SPIDR: variants seen among roughly 807,000 people sequenced by gnomAD.
SPIDR encodes the protein scaffold protein involved in DNA repair.
Under a neutral mutation model 104.6 loss-of-function variants are expected in SPIDR, and 93 were observed. The ratio of observed to expected loss-of-function variants is 0.89; its 90% confidence interval spans 0.75 to 1.06. SPIDR has a LOEUF of 1.06. SPIDR is among the 50% of genes least tolerant of loss of function. The probability of loss-of-function intolerance (pLI) is 0.00; values close to 1 mark genes in which losing one functional copy is unlikely to be tolerated. For missense variants in SPIDR, 1,154 were observed against 1,111.2 expected, an observed-to-expected ratio of 1.04 and a Z score of -0.55; for synonymous variants, 431 against 416.9, an observed-to-expected ratio of 1.03 and a Z score of -0.41.
chr8:47,465,219 G>A (rs536094074), intron 8 of SPIDR, among the ~76,000 whole-genome samples: 1 of 152,296 alleles, frequency 6.6e-6, no homozygotes, highest in East Asian at 1.9e-4. Flanking sequence ...TCTGAGGCAA[G>A]CACTAAGTAT....
At chr8:47,507,839 T>TA (rs2154374539) in intron 8 of SPIDR, among the ~76,000 whole-genome samples, 1 of 152,334 alleles carries the variant, frequency 6.6e-6, no homozygotes, top group East Asian at 1.9e-4. Flanking sequence ...TTACTTGCTA[T>TA]ATAGAGTATT....
Position 47,289,985 on chromosome 8 carries a change from G to T in SPIDR, c.257-1048G>T, listed in dbSNP as rs2039602260. Among the ~76,000 whole-genome samples the T allele has an allele frequency of 2.0e-5, 3 of 152,248 alleles. No homozygotes were observed. In the South Asian group the frequency reaches 6.2e-4, roughly 32 times the overall value. ...AGATGAATATCTAGGAAATTATTCT[G>T]AGTGAAAAAAGCCAATTCTAAAAAG... On this transcript the variant is annotated intron_variant, in intron 3 of 19. Transcript: ENST00000297423.
At chr8:47,545,679 A>G (rs1693545549) in intron 8 of SPIDR, among the ~76,000 whole-genome samples, 1 of 152,148 alleles carries the variant, frequency 6.6e-6, no homozygotes, top group Admixed American at 6.5e-5. Context: ...ACTGAATAGC[A>G]GAAGTGAGAA....
At chr8:47,298,568 A>T (rs1356543084) in intron 5 of SPIDR, among the ~76,000 whole-genome samples, 7 of 152,216 alleles carry the variant, frequency 4.6e-5, no homozygotes, top group African/African-American at 1.2e-4. Context: ...GTTTTCTTCT[A>T]GGGTTTTTAT....
At chr8:47,578,053 A>G (rs192209228) in intron 8 of SPIDR, among the ~76,000 whole-genome samples, 149 of 152,374 alleles carry the variant, frequency 9.8e-4, no homozygotes, top group Non-Finnish European at 1.2e-3. Context: ...GGTTGGAATG[A>G]TAACTTAAAG....
chr8:47,547,007 A>G (rs2089517307), intron 8 of SPIDR: 2 of 507,414 alleles, frequency 3.9e-6, no homozygotes, highest in South Asian at 3.3e-5. Flanking sequence ...CTCTGTGGGT[A>G]ATGACACCAG....
At chr8:47,578,758 T>G (rs2059406294) in intron 8 of SPIDR, among the ~76,000 whole-genome samples, 1 of 152,222 alleles carries the variant, frequency 6.6e-6, no homozygotes, top group South Asian at 2.1e-4. Context: ...TATGGTCTGT[T>G]CCTCAGTGTT....
chr8:47,448,717 G>A (rs889511971), intron 8 of SPIDR, among the ~76,000 whole-genome samples: 2 of 151,878 alleles, frequency 1.3e-5, no homozygotes, highest in Non-Finnish European at 2.9e-5. Context: ...CGAGAGATAG[G>A]GTGTCAGGGG....
intron 5 of SPIDR, among the ~76,000 whole-genome samples, chr8:47,296,984 C>T (rs1013052044): frequency 1.3e-5 from 2 of 152,214 alleles, no homozygotes; most frequent in East Asian, 1.9e-4. Context: ...TGCTTTTTCT[C>T]GATGCTACTG....
intron 8 of SPIDR, among the ~76,000 whole-genome samples, chr8:47,468,739 A>C (rs1401095965): frequency 6.6e-6 from 1 of 152,234 alleles, no homozygotes; most frequent in Non-Finnish European, 1.5e-5. Context: ...AAATGCTGCA[A>C]GACAACCCAG....
At chr8:47,700,306 T>C (rs751275250) in intron 11 of SPIDR, 97 bp from the exon 12 acceptor site, 3 of 1,226,572 alleles carry the variant, frequency 2.4e-6, no homozygotes, top group Admixed American at 3.4e-5. Flanking sequence ...TCCATGGCCT[T>C]AGGCATTAGA....
At chr8:47,710,742 A>C (rs1031219165) in intron 14 of SPIDR, among the ~76,000 whole-genome samples, 2 of 152,068 alleles carry the variant, frequency 1.3e-5, no homozygotes, top group East Asian at 3.9e-4. Flanking sequence ...TGCTGAGATT[A>C]CAGGCATGAG....
chr8:47,330,885 G>C (rs2048548191), intron 5 of SPIDR: 1 of 448,468 alleles, frequency 2.2e-6, no homozygotes, highest in African/African-American at 2.0e-5. Flanking sequence ...AGCAACTATT[G>C]GATTGTATTG....
At chr8:47,614,394 T>C (rs1426876237) in intron 10 of SPIDR, among the ~76,000 whole-genome samples, 1 of 152,064 alleles carries the variant, frequency 6.6e-6, no homozygotes, top group Non-Finnish European at 1.5e-5. Flanking sequence ...GCTAATTTTT[T>C]TTGTATGTTA....
At chr8:47,624,949 G>C (rs1381007384) in intron 10 of SPIDR, among the ~76,000 whole-genome samples, 1 of 152,178 alleles carries the variant, frequency 6.6e-6, no homozygotes, top group Non-Finnish European at 1.5e-5. Flanking sequence ...GAGAATTTTA[G>C]ACCAATGTCC....
intron 11 of SPIDR, among the ~76,000 whole-genome samples, chr8:47,694,708 C>CT (rs2079097552): frequency 1.2e-4 from 18 of 152,076 alleles, no homozygotes; most frequent in Admixed American, 1.2e-3. Flanking sequence ...GAGGTCACAC[C>CT]ACTGCACTCC....
Position 47,367,061 on chromosome 8 carries a change from C to T in SPIDR, c.526-29315C>T, listed in dbSNP as rs185701861. 2.2e-3 allele frequency among the ~76,000 whole-genome samples: 340 copies of T among 152,206 alleles called. 3 individuals carry two copies. The highest frequency in any genetic ancestry group is 0.014 in the South Asian group (70 of 4,828). On this transcript the variant is annotated intron_variant, in intron 5 of 19. Transcript: ENST00000297423. Reference sequence around the variant, plus strand: ...GTTTAATATATGGCACAGTTGACTTCGAGAAGGGAATTTATTGTCAGTGGG... The same window carrying T: ...GTTTAATATATGGCACAGTTGACTTTGAGAAGGGAATTTATTGTCAGTGGG...
At position 47,396,364 on chromosome 8, in the gene SPIDR, AT is replaced by A. The variant is rs564570072; in HGVS notation, c.526-4del. On this transcript the variant is annotated splice_polypyrimidine_tract_variant and intron_variant, in intron 5 of 19. Transcript: ENST00000297423. ...TATTTAAAAATATGCCTTTCTTTTA[AT>A]TTTTTTTCAGCCAAGTTCTATAGAA... The A allele has an allele frequency of 2.8e-4, 440 of 1,567,618 alleles. 3 individuals carry two copies. The South Asian group carries it at 4.5e-3, about 16-fold the overall frequency.
chr8:47,384,889 C>A (rs573397967), intron 5 of SPIDR, among the ~76,000 whole-genome samples: 1 of 152,172 alleles, frequency 6.6e-6, no homozygotes, highest in African/African-American at 2.4e-5. Flanking sequence ...ACAAACATCC[C>A]TAGTTACTTA....
Sources: gnomAD v4.1 joint callset for allele counts (sites outside exome capture counted in the v4.1 genomes callset) on GRCh38, gnomAD v4.1.1 for gene constraint, MANE v1.5 for transcripts, NCBI Gene and HGNC (gene_info 2026-07-23, HGNC 2026-07-21) for gene names.